FYCO1: variants seen among roughly 807,000 people sequenced by gnomAD.
FYCO1 encodes FYVE and coiled-coil domain autophagy adaptor 1.
Under a neutral mutation model 165.1 loss-of-function variants are expected in FYCO1, and 122 were observed. That is an observed-to-expected ratio of 0.74 (90% CI 0.64 to 0.86). FYCO1 has a LOEUF of 0.86. Ranked by LOEUF, FYCO1 falls within the 40% of genes least tolerant of loss-of-function variation. The pLI is 0.00. For missense variants in FYCO1, 1,702 were observed against 1,810.3 expected, an observed-to-expected ratio of 0.94 and a Z score of 1.09; for synonymous variants, 648 against 742.5, an observed-to-expected ratio of 0.87 and a Z score of 2.07.
At chr3:45,942,123 C>A (rs1024994664) in intron 14 of FYCO1, among the ~76,000 whole-genome samples, 1 of 152,204 alleles carries the variant, frequency 6.6e-6, no homozygotes, top group Non-Finnish European at 1.5e-5. Flanking sequence ...TTCAAAAAGG[C>A]CTGCAAACCT....
Position 45,967,936 on chromosome 3 carries a change from T to G in FYCO1, c.1398A>C (p.Ala466=), listed in dbSNP as rs748229380. 3.7e-6 allele frequency: 6 copies of G among 1,614,172 alleles called. No homozygotes were observed. Among genetic ancestry groups the G allele is most frequent in the African/African-American group, 1.3e-5 (1 of 75,056 alleles). ...CCTGCAGCCGTCGCCAGAGCTGGTC[T>G]GCCTCCTGTCCCTTCCCAGACAACT... The part of the protein sequence containing the change: ...QEELSGKGQE[A]DQLWRRLQEL... The change falls in exon 8 of 18, where the codon GCA becomes GCC. Residue 466 remains alanine (A), a synonymous_variant. Transcript: ENST00000296137.
Position 45,966,553 on chromosome 3 carries a change from G to A in FYCO1, c.2781C>T (p.Ala927=). ...VEKERVEEAL[A]CAVQELQDAK... ...CGTCCTGGAGCTCCTGGACAGCACA[G>A]GCCAGTGCCTCCTCCACTCGCTCCT... The change falls in exon 8 of 18, where the codon GCC becomes GCT. Residue 927 remains alanine, a synonymous_variant. Coordinates refer to ENST00000296137, the MANE Select transcript of FYCO1 (RefSeq NM_024513.4). The A allele has an allele frequency of 6.2e-7, 1 of 1,614,216 alleles. No homozygotes were observed. Among genetic ancestry groups the A allele is most frequent in the South Asian group, 1.1e-5 (1 of 91,084 alleles).
intron 14 of FYCO1, chr3:45,946,798 T>C (rs372885715): frequency 3.7e-6 from 6 of 1,613,538 alleles, no homozygotes; most frequent in Non-Finnish European, 4.2e-6. Flanking sequence ...AAGAGCCTAC[T>C]GGGCATCTAC....
At chr3:45,926,962 CAAA>C (rs35424488) in intron 16 of FYCO1, among the ~76,000 whole-genome samples, 31 of 133,424 alleles carry the variant, frequency 2.3e-4, no homozygotes, top group Admixed American at 2.2e-4. Flanking sequence ...GAAACTGTCT[CAAA>C]AAAAAAAAAA....
rs1048275882 is a variant in FYCO1 at position 45,984,781 on chromosome 3, T to G, written c.55+75A>C. ...TGAACAAAAATGAAAGGGTTGAATT[T>G]CAACTGGCAACAGCAAAAAGCCCTG... On this transcript the variant is annotated intron_variant, in intron 2 of 17. Coordinates refer to ENST00000296137, the MANE Select transcript of FYCO1 (RefSeq NM_024513.4). 63 of 1,485,220 alleles carry G rather than the reference T, an allele frequency of 4.2e-5. No individual in the cohort carries two copies. In the Middle Eastern group the frequency reaches 6.8e-4, roughly 16 times the overall value. The allele number at this position is 1,485,220 out of a possible 1,614,324, so 92.0% of individuals were successfully genotyped here.
chr3:45,965,582 T>C (rs1253799770), intron 8 of FYCO1, among the ~76,000 whole-genome samples: 1 of 152,222 alleles, frequency 6.6e-6, no homozygotes, highest in East Asian at 1.9e-4. Context: ...TTGTGTACTA[T>C]CAAAGGCACA....
At chr3:45,942,311 T>TTAGA (rs1268140476) in intron 14 of FYCO1, among the ~76,000 whole-genome samples, 1 of 152,170 alleles carries the variant, frequency 6.6e-6, no homozygotes, top group Non-Finnish European at 1.5e-5. Context: ...GTGACTAGGA[T>TTAGA]TAGATGGCTG....
Position 45,947,612 on chromosome 3 carries a change from T to C in FYCO1, c.3944+7637A>G, listed in dbSNP as rs1399936267. On this transcript the variant is annotated intron_variant, in intron 14 of 17. Coordinates refer to ENST00000296137, the MANE Select transcript of FYCO1 (RefSeq NM_024513.4). ...TTTGTTTATAGCTTGCGCATTCTCA[T>C]GGAGAAGTTATCAGACACTCTGGCT... is the stretch of plus-strand genomic sequence containing the variant. 3 of 884,290 alleles carry C rather than the reference T, an allele frequency of 3.4e-6. No homozygotes were observed. In the African/African-American group the frequency reaches 5.0e-5, roughly 15 times the overall value. The allele number at this position is 884,290 out of a possible 1,614,324, so 54.8% of individuals were successfully genotyped here. A position where few individuals can be genotyped will look rare whatever the true frequency, so the allele number is the denominator to read the frequency against.
intron 8 of FYCO1, among the ~76,000 whole-genome samples, chr3:45,965,773 G>A (rs1379453026): frequency 1.3e-5 from 2 of 152,194 alleles, no homozygotes; most frequent in African/African-American, 4.8e-5. Context: ...GGGTTTTAGA[G>A]GCCAAGTCAG....
intron 4 of FYCO1, among the ~76,000 whole-genome samples, chr3:45,976,449 C>T (rs763876348): frequency 2.6e-5 from 4 of 152,166 alleles, no homozygotes; most frequent in Non-Finnish European, 5.9e-5. Context: ...GATAGGTCAG[C>T]CCAGAAACTC....
intron 16 of FYCO1, among the ~76,000 whole-genome samples, chr3:45,928,185 G>A (rs1703415589): frequency 1.3e-5 from 2 of 152,168 alleles, no homozygotes; most frequent in Admixed American, 6.5e-5. Context: ...GTACAACTCT[G>A]TGAATATACT....
chr3:45,936,692 A>C, intron 14 of FYCO1, 149 bp from the exon 15 acceptor site: 2 of 700,712 alleles, frequency 2.9e-6, no homozygotes, highest in South Asian at 3.0e-5. Context: ...AGACCCTGGC[A>C]GATTTTGTGG....
chr3:45,936,580 A>G (rs1436846480), intron 14 of FYCO1, 37 bp from the exon 15 acceptor site: 6 of 1,430,414 alleles, frequency 4.2e-6, no homozygotes, highest in Non-Finnish European at 5.9e-6. Context: ...TCATTTAGCT[A>G]TCAACACACA....
chr3:45,947,451 A>C (rs576590478), intron 14 of FYCO1: 5 of 1,614,086 alleles, frequency 3.1e-6, no homozygotes, highest in Non-Finnish European at 3.4e-6. Flanking sequence ...TTCTGAGGAC[A>C]ATTCCAAGAC....
At chr3:45,983,212 A>G (rs1707140509) in intron 2 of FYCO1, among the ~76,000 whole-genome samples, 1 of 152,226 alleles carries the variant, frequency 6.6e-6, no homozygotes, top group Non-Finnish European at 1.5e-5. Flanking sequence ...AAGAGAAGCC[A>G]GAAGCTGAGC....
At chr3:45,959,355 C>G in intron 12 of FYCO1, 38 bp downstream of exon 12, 1 of 1,611,008 alleles carries the variant, frequency 6.2e-7, no homozygotes, top group East Asian at 2.2e-5. Context: ...CTGGGCCCCA[C>G]CAGGGTGTTG....
At position 45,959,679 on chromosome 3, in the gene FYCO1, C is replaced by T. The variant is rs1705578571; in HGVS notation, c.3438-137G>A. 18 of 915,570 alleles carry T rather than the reference C, an allele frequency of 2.0e-5. No individual in the cohort carries two copies. The South Asian group carries it at 2.3e-4, about 12-fold the overall frequency. The allele number at this position is 915,570 out of a possible 1,614,324, so 56.7% of individuals were successfully genotyped here. On this transcript the variant is annotated intron_variant, in intron 11 of 17. Transcript: ENST00000296137. ...ATTCACTTTCACCTTGGAAATATGC[C>T]CCAGCCCATGCTAAGTCTCCTCCAT...
At chr3:45,975,152 TA>T (rs1312135697) in intron 5 of FYCO1, 86 bp downstream of exon 5, 2 of 906,042 alleles carry the variant, frequency 2.2e-6, no homozygotes, top group African/African-American at 1.6e-5. Flanking sequence ...AAATGAGCAC[TA>T]CTGTTGCAGC....
In FYCO1 at chr3:45,962,279, T is replaced by A; in HGVS notation, c.3383A>T (p.Asp1128Val). ...ATACTTCTTGGTTCTGTTGAGGTCA[T>A]CCAGGTCAGCAAGCATCTTCTGGTC... The part of the protein sequence containing the change: ...RNDQKMLADL[D>V]DLNRTKKYLE... The change falls in exon 11 of 18, where the codon GAT becomes GTT. Residue 1128 changes from aspartate to valine, a missense_variant. By Grantham distance (152) the Asp-to-Val change is radical. Transcript: ENST00000296137. The surrounding 1 kb of genome is among the most constrained non-coding windows in gnomAD (Gnocchi z 4.4). The A allele has an allele frequency of 6.2e-7, 1 of 1,614,242 alleles. No homozygotes were observed. Among genetic ancestry groups the A allele is most frequent in the Non-Finnish European group, 8.5e-7 (1 of 1,180,040 alleles).
Sources: allele counts gnomAD v4.1 joint callset (sites outside exome capture counted in the v4.1 genomes callset), GRCh38; gene constraint gnomAD v4.1.1; non-coding constraint Gnocchi (gnomAD v3.1); transcripts MANE v1.5; gene names NCBI Gene and HGNC (gene_info 2026-07-23, HGNC 2026-07-21).